Variants in CA10 observed in about 807,000 individuals in gnomAD.
CA10 encodes carbonic anhydrase 10 (inactive), also known as carbonic anhydrase-related protein 10.
CA10 carries 14 observed loss-of-function variants against 44.2 expected under a neutral mutation model. The observed-to-expected ratio is 0.32, with a 90% confidence interval of 0.21 to 0.50. CA10 has a LOEUF of 0.50. Ranked by LOEUF, CA10 falls within the 20% of genes least tolerant of loss-of-function variation. The pLI, the probability that CA10 is intolerant of heterozygous loss-of-function variation, is 0.99. For synonymous variants in CA10, 159 were observed against 141.6 expected, an observed-to-expected ratio of 1.12 and a Z score of -0.87; for missense variants, 350 against 409.7, an observed-to-expected ratio of 0.85 and a Z score of 1.26.
chr17:51,852,052 G>C (rs1978818772), intron 3 of CA10, among the ~76,000 whole-genome samples: 1 of 152,136 alleles, frequency 6.6e-6, no homozygotes, highest in South Asian at 2.1e-4. Flanking sequence ...CTTCTCCTTT[G>C]GGTCATACAA....
intron 2 of CA10, among the ~76,000 whole-genome samples, chr17:52,008,021 T>G (rs953615427): frequency 2.0e-5 from 3 of 151,762 alleles, no homozygotes; most frequent in Non-Finnish European, 4.4e-5. Context: ...ATCTTTCCAC[T>G]GTATCTACAG....
intron 3 of CA10, among the ~76,000 whole-genome samples, chr17:51,884,687 G>A (rs1051699915): frequency 6.6e-6 from 1 of 150,520 alleles, no homozygotes; most frequent in Admixed American, 6.6e-5. Context: ...CACAAACTGG[G>A]AGGCTTAGCG....
At chr17:52,019,331 T>C (rs1397247381) in intron 2 of CA10, among the ~76,000 whole-genome samples, 2 of 152,256 alleles carry the variant, frequency 1.3e-5, no homozygotes, top group East Asian at 3.9e-4. Flanking sequence ...TAATGAAATA[T>C]AGTGTAGCCA....
At chr17:51,700,852 G>A (rs1325567607) in intron 4 of CA10, among the ~76,000 whole-genome samples, 2 of 152,132 alleles carry the variant, frequency 1.3e-5, no homozygotes, top group Non-Finnish European at 2.9e-5. Flanking sequence ...TCACTCATAA[G>A]TGGGAGCTGA....
intron 2 of CA10, among the ~76,000 whole-genome samples, chr17:52,058,989 T>G (rs7222246): frequency 0.075 from 11,343 of 152,178 alleles, 1,408 homozygotes; most frequent in African/African-American, 0.26. Context: ...TTTTACACAC[T>G]ATGCATCCCC....
At chr17:51,835,185 G>T (rs1466683299) in intron 3 of CA10, among the ~76,000 whole-genome samples, 1 of 152,196 alleles carries the variant, frequency 6.6e-6, no homozygotes, top group Non-Finnish European at 1.5e-5. Context: ...GCCCCCATTT[G>T]CAGGTAGTCT....
In CA10 at chr17:51,947,310, G is replaced by A. The variant is rs1983318810; in HGVS notation, c.137-16178C>T. 4.0e-5 allele frequency among the ~76,000 whole-genome samples: 6 copies of A among 150,950 alleles called. No individual in the cohort carries two copies. In the South Asian group the frequency reaches 1.0e-3, roughly 26 times the overall value. On this transcript the variant is annotated intron_variant, in intron 2 of 8. Transcript: ENST00000451037. The stretch of plus-strand genomic sequence containing the variant: ...TGTGTACTGTAAAAGACCGGTAGGA[G>A]CAGCCCAAATGGCTACAGTGAATGG...
At chr17:51,831,716 A>C (rs1181897752) in intron 3 of CA10, among the ~76,000 whole-genome samples, 2 of 111,178 alleles carry the variant, frequency 1.8e-5, no homozygotes, top group African/African-American at 6.2e-5. Flanking sequence ...CAGCAGCAGC[A>C]GCAGCAGCAG....
At chr17:51,717,853 A>ATATACGTG in intron 4 of CA10, among the ~76,000 whole-genome samples, 2 of 36,622 alleles carry the variant, frequency 5.5e-5, no homozygotes, top group African/African-American at 1.5e-4. Flanking sequence ...ATATATATAT[A>ATATACGTG]TATATATATA....
At chr17:52,063,973 G>A (rs916344559) in intron 2 of CA10, among the ~76,000 whole-genome samples, 1 of 152,206 alleles carries the variant, frequency 6.6e-6, no homozygotes, top group Non-Finnish European at 1.5e-5. Context: ...TTTTGCAGAT[G>A]TGAATAACGT....
Position 51,834,193 on chromosome 17 carries a change from G to C in CA10, c.280-86375C>G, listed in dbSNP as rs58200488. Among the ~76,000 whole-genome samples the C allele has an allele frequency of 5.5e-3, 834 of 152,280 alleles. 4 individuals are homozygous for C. Among genetic ancestry groups the C allele is most frequent in the African/African-American group, 0.019 (786 of 41,574 alleles). On this transcript the variant is annotated intron_variant, in intron 3 of 8. Coordinates refer to ENST00000451037, the MANE Select transcript of CA10 (RefSeq NM_020178.5). The stretch of plus-strand genomic sequence containing the variant: ...GCACAACTTAATCAGCCTTCAAATT[G>C]ATCTTGGATGCTCAAAAGCAGGTTT...
At chr17:51,801,613 C>A (rs532355402) in intron 3 of CA10, among the ~76,000 whole-genome samples, 67 of 151,836 alleles carry the variant, frequency 4.4e-4, no homozygotes, top group Non-Finnish European at 8.8e-4. Context: ...TCCTCAGAAA[C>A]GAAATCTAGA....
chr17:52,130,947 C>T (rs1598230699), intron 1 of CA10, among the ~76,000 whole-genome samples: 2 of 151,938 alleles, frequency 1.3e-5, no homozygotes, highest in African/African-American at 2.4e-5. Context: ...ATTGTATACT[C>T]GAAAATTGCT....
At chr17:51,964,768 G>T (rs1040510927) in intron 2 of CA10, among the ~76,000 whole-genome samples, 9 of 151,816 alleles carry the variant, frequency 5.9e-5, no homozygotes, top group African/African-American at 2.2e-4. Flanking sequence ...GTGCTAAAAG[G>T]AAAGTTTAAA....
intron 2 of CA10, among the ~76,000 whole-genome samples, chr17:51,972,147 G>C (rs1370695418): frequency 2.0e-5 from 3 of 151,788 alleles, no homozygotes; most frequent in African/African-American, 4.8e-5. Context: ...ATGCCATTTG[G>C]GGAATCAAAA....
intron 3 of CA10, among the ~76,000 whole-genome samples, chr17:51,789,230 G>T (rs969557820): frequency 2.6e-5 from 4 of 152,084 alleles, no homozygotes; most frequent in African/African-American, 4.8e-5. Context: ...TGGTCAGGCT[G>T]GTCTCGAACT....
At chr17:52,107,276 G>GT (rs1988681138) in intron 1 of CA10, among the ~76,000 whole-genome samples, 1 of 152,136 alleles carries the variant, frequency 6.6e-6, no homozygotes, top group African/African-American at 2.4e-5. Context: ...TTGCTATAAA[G>GT]TGAATAAGGA....
chr17:51,954,206 G>A (rs1983583978), intron 2 of CA10, among the ~76,000 whole-genome samples: 1 of 152,160 alleles, frequency 6.6e-6, no homozygotes, highest in Non-Finnish European at 1.5e-5. Context: ...GTTTGACAAA[G>A]CTTGTATGCT....
intron 3 of CA10, among the ~76,000 whole-genome samples, chr17:51,870,854 T>C (rs1379916516): frequency 1.3e-5 from 2 of 152,120 alleles, no homozygotes; most frequent in Non-Finnish European, 2.9e-5. Context: ...GGTGGGATTA[T>C]TCTTATGCCA....
Sources: allele counts gnomAD v4.1 joint callset (sites outside exome capture counted in the v4.1 genomes callset), GRCh38; gene constraint gnomAD v4.1.1; transcripts MANE v1.5; gene names NCBI Gene and HGNC (gene_info 2026-07-23, HGNC 2026-07-21).